The following ARHGAP24 variants were observed in gnomAD, a reference collection of about 807,000 sequenced individuals.
ARHGAP24 encodes Rho GTPase activating protein 24, also known as rho GTPase-activating protein 24.
Under a neutral mutation model 76.4 loss-of-function variants are expected in ARHGAP24, and 50 were observed. The ratio of observed to expected loss-of-function variants is 0.65; its 90% CI spans 0.52 to 0.83. The LOEUF (loss-of-function observed/expected upper bound fraction) is 0.83. Ranked by LOEUF, ARHGAP24 falls within the 40% of genes least tolerant of loss-of-function variation. ARHGAP24 has a pLI of 0.00. For missense variants in ARHGAP24, 930 were observed against 914.2 expected (o/e 1.02, Z -0.22); for synonymous variants, 345 against 323.3 (o/e 1.07, Z -0.72).
chr4:85,554,943 G>A (rs898195326), intron 1 of ARHGAP24, among the ~76,000 whole-genome samples: 1 of 151,722 alleles, frequency 6.6e-6, no homozygotes, highest in Admixed American at 6.6e-5. Flanking sequence ...GCCTCCCAAA[G>A]TGTTGGGATT....
chr4:85,528,978 A>G (rs2110115498), intron 1 of ARHGAP24, among the ~76,000 whole-genome samples: 1 of 152,108 alleles, frequency 6.6e-6, no homozygotes, highest in African/African-American at 2.4e-5. Flanking sequence ...ACTATCAAAG[A>G]TAGAGGTCAG....
At chr4:85,527,098 A>G (rs968455420) in intron 1 of ARHGAP24, among the ~76,000 whole-genome samples, 4 of 152,180 alleles carry the variant, frequency 2.6e-5, no homozygotes, top group African/African-American at 9.6e-5. Flanking sequence ...TTTAAGCTCC[A>G]GAGAAAAGTG....
intron 2 of ARHGAP24, among the ~76,000 whole-genome samples, chr4:85,706,971 GTCGTGCTATCAT>G (rs1213096730): frequency 6.6e-6 from 1 of 152,084 alleles, no homozygotes; most frequent in Non-Finnish European, 1.5e-5. Flanking sequence ...CTAAAGTGCA[GTCGTGCTATCAT>G]AGCTCACTGT....
intron 3 of ARHGAP24, among the ~76,000 whole-genome samples, chr4:85,861,683 A>G (rs1731904017): frequency 6.6e-6 from 1 of 151,990 alleles, no homozygotes. Context: ...TTGATGTTTT[A>G]TTTTTATAAT....
In ARHGAP24 at chr4:85,995,580, T is replaced by C. The variant is rs1740614507; in HGVS notation, c.1926T>C (p.Ser642=). 6.2e-7 allele frequency: 1 copy of C among 1,613,614 alleles called. No individual in the cohort carries two copies. Among genetic ancestry groups the C allele is most frequent in the Admixed American group, 1.7e-5 (1 of 59,958 alleles). ...TGGGCAACAGCAGCAGCAACCACAG[T>C]GCACTGCACAGTTTAGTTTCCAGCC... ...TFVGNSSSNH[S]ALHSLVSSLK... is the part of the protein sequence containing the mutation. Residue 642 remains serine (S), a synonymous_variant, in exon 9 of 10, where the codon AGT becomes AGC. Transcript: ENST00000395184.
At chr4:85,556,345 G>A (rs1055714523) in intron 1 of ARHGAP24, among the ~76,000 whole-genome samples, 3 of 152,166 alleles carry the variant, frequency 2.0e-5, no homozygotes, top group African/African-American at 4.8e-5. Context: ...TCTCAGTTGC[G>A]GGTGGAGGAG....
At position 85,523,897 on chromosome 4, in the gene ARHGAP24, G is replaced by A. The variant is rs113740395; in HGVS notation, c.-20-46625G>A. 1.6e-4 allele frequency among the ~76,000 whole-genome samples: 24 copies of A among 151,966 alleles called. 1 individual carries two copies. The highest frequency in any genetic ancestry group is 5.5e-4 in the African/African-American group (23 of 41,470). ...TTCTTTACAACGGAGTTAAAATTTTGTAGGAAACAGGCAAAAAACAAATTT... is the reference window on the plus strand; with the variant it reads ...TTCTTTACAACGGAGTTAAAATTTTATAGGAAACAGGCAAAAAACAAATTT... On this transcript the variant is annotated intron_variant, in intron 1 of 9. Coordinates refer to ENST00000395184, the MANE Select transcript of ARHGAP24 (RefSeq NM_001025616.3).
chr4:85,657,633 A>G (rs1722221323), intron 2 of ARHGAP24, among the ~76,000 whole-genome samples: 1 of 152,206 alleles, frequency 6.6e-6, no homozygotes. Context: ...AGGCAAATTA[A>G]TAACTTTATC....
intron 1 of ARHGAP24, among the ~76,000 whole-genome samples, chr4:85,535,215 TAAAGA>T (rs1725422855): frequency 6.6e-6 from 1 of 152,136 alleles, no homozygotes; most frequent in Non-Finnish European, 1.5e-5. Flanking sequence ...CCTTTTTTGT[TAAAGA>T]AAAGAAAGTT....
At chr4:85,984,685 G>A (rs988960222) in intron 8 of ARHGAP24, among the ~76,000 whole-genome samples, 1 of 152,160 alleles carries the variant, frequency 6.6e-6, no homozygotes, top group Non-Finnish European at 1.5e-5. Context: ...GGGAAGATTG[G>A]TGAAAGAATG....
chr4:85,480,238 A>G (rs1057183790), intron 1 of ARHGAP24, among the ~76,000 whole-genome samples: 3 of 152,192 alleles, frequency 2.0e-5, no homozygotes, highest in Admixed American at 1.3e-4. Context: ...CAAATTCTTT[A>G]TATAAGGATT....
intron 3 of ARHGAP24, 35 bp downstream of exon 3, chr4:85,722,007 C>A: frequency 6.4e-7 from 1 of 1,570,594 alleles, no homozygotes; most frequent in South Asian, 1.1e-5. Context: ...AAATTATTGT[C>A]ATCCTGTGTT....
Position 85,575,434 on chromosome 4 carries a change from T to C in ARHGAP24, c.180+4713T>C, listed in dbSNP as rs148660890. Among the ~76,000 whole-genome samples, 1,045 of 152,330 alleles carry C rather than the reference T, an allele frequency of 6.9e-3. 6 individuals carry two copies. The highest frequency in any genetic ancestry group is 0.011 in the Non-Finnish European group (751 of 68,032). ...TTTATCTTACAAATTTCATTGTATTTACATGCAGAGGAAAAAGTGTAAAAT... is the reference window on the plus strand; with the variant it reads ...TTTATCTTACAAATTTCATTGTATTCACATGCAGAGGAAAAAGTGTAAAAT... On this transcript the variant is annotated intron_variant, in intron 2 of 9. Transcript: ENST00000395184.
intron 3 of ARHGAP24, among the ~76,000 whole-genome samples, chr4:85,774,778 G>A (rs1409817709): frequency 6.6e-6 from 1 of 152,180 alleles, no homozygotes; most frequent in Non-Finnish European, 1.5e-5. Flanking sequence ...GATTTGCAGT[G>A]TTAAGTCAAT....
intron 3 of ARHGAP24, among the ~76,000 whole-genome samples, chr4:85,730,869 A>G (rs947248312): frequency 3.9e-5 from 6 of 151,974 alleles, no homozygotes; most frequent in African/African-American, 1.5e-4. Flanking sequence ...GTTTTCTTTT[A>G]CCATCAGTAT....
intron 1 of ARHGAP24, among the ~76,000 whole-genome samples, chr4:85,500,873 C>T (rs897880412): frequency 6.6e-6 from 1 of 151,556 alleles, no homozygotes; most frequent in African/African-American, 2.4e-5. Context: ...CCCAGCCTCC[C>T]ACCCCCCCAC....
chr4:85,840,017 C>CTTTT (rs70948759), intron 3 of ARHGAP24, among the ~76,000 whole-genome samples: 4 of 116,048 alleles, frequency 3.4e-5, no homozygotes, highest in Admixed American at 9.3e-5. Flanking sequence ...GCCTGGCTAA[C>CTTTT]TTTTTTTTTT....
intron 2 of ARHGAP24, among the ~76,000 whole-genome samples, chr4:85,614,683 C>G: frequency 6.6e-6 from 1 of 151,982 alleles, no homozygotes; most frequent in East Asian, 1.9e-4. Flanking sequence ...ATGATTTTAG[C>G]CATCTTAATT....
chr4:85,920,377 A>T (rs1735656290), intron 3 of ARHGAP24, among the ~76,000 whole-genome samples: 1 of 152,184 alleles, frequency 6.6e-6, no homozygotes, highest in Non-Finnish European at 1.5e-5. Flanking sequence ...ACAAAAATCA[A>T]CTCCAGATGG....
Sources: gnomAD v4.1 joint callset for allele counts (sites outside exome capture counted in the v4.1 genomes callset) on GRCh38, gnomAD v4.1.1 for gene constraint, MANE v1.5 for transcripts, NCBI Gene and HGNC (gene_info 2026-07-23, HGNC 2026-07-21) for gene names.